The following ZNF536 variants were observed in gnomAD, a reference collection of about 807,000 sequenced individuals.
ZNF536 encodes the protein zinc finger protein 536.
ZNF536 carries 13 observed loss-of-function variants against 84.5 expected under a neutral mutation model. The ratio of observed to expected loss-of-function variants is 0.15; its 90% confidence interval spans 0.10 to 0.24. The LOEUF (loss-of-function observed/expected upper bound fraction) is 0.24. Among genes scored for constraint, ZNF536 ranks in the 10% least tolerant of loss-of-function variants. ZNF536 has a pLI of 1.00. For synonymous variants in ZNF536, 811 were observed against 742.5 expected (o/e 1.09, Z -1.50); for missense variants, 1,536 against 1,747.5 (o/e 0.88, Z 2.16).
intron 2 of ZNF536, among the ~76,000 whole-genome samples, chr19:30,457,264 G>A (rs1194983274): frequency 1.3e-5 from 2 of 152,178 alleles, no homozygotes; most frequent in African/African-American, 4.8e-5. Context: ...TGGCAAGGAG[G>A]AGTAACTCTT....
At chr19:30,512,187 T>C (rs1469276281) in intron 2 of ZNF536, among the ~76,000 whole-genome samples, 1 of 152,194 alleles carries the variant, frequency 6.6e-6, no homozygotes, top group African/African-American at 2.4e-5. Context: ...AACCATAAAA[T>C]ATACTGCAAA....
In ZNF536 at chr19:30,230,641, C is replaced by T. The variant is rs2022966982; in HGVS notation, c.-190+1968C>T. ...GGTGCCGCCCGACTTCCCACAGTTG[C>T]CCATAGGGTACTGAAGGCAGTGCTG... On this transcript the variant is annotated intron_variant, in intron 1 of 5. Transcript: ENST00000585628. Among the ~76,000 whole-genome samples the T allele has an allele frequency of 2.0e-5, 3 of 152,188 alleles. No homozygotes were observed. The South Asian group carries it at 6.2e-4, about 31-fold the overall frequency.
At chr19:30,613,970 C>A (rs1327795272) in intron 1 of ZNF536, among the ~76,000 whole-genome samples, 1 of 152,244 alleles carries the variant, frequency 6.6e-6, no homozygotes, top group East Asian at 1.9e-4. Context: ...TAAAGCGATT[C>A]TTCTGTCTCA....
At chr19:30,229,389 C>T (rs1339934136) in intron 1 of ZNF536, among the ~76,000 whole-genome samples, 2 of 152,066 alleles carry the variant, frequency 1.3e-5, no homozygotes, top group South Asian at 4.1e-4. Flanking sequence ...AAAGTGGTTT[C>T]ACAGTGTCTC....
upstream of ZNF536, among the ~76,000 whole-genome samples, chr19:30,367,542 T>C (rs1308221065): frequency 6.6e-6 from 1 of 152,114 alleles, no homozygotes; most frequent in African/African-American, 2.4e-5. Flanking sequence ...GCCCAGGGCA[T>C]GTGGATGTGG....
intron 1 of ZNF536, among the ~76,000 whole-genome samples, chr19:30,422,837 TCATC>T (rs1209524429): frequency 8.5e-6 from 1 of 117,644 alleles, no homozygotes; most frequent in Non-Finnish European, 1.8e-5. Flanking sequence ...ATCTACACAT[TCATC>T]CATCCATCCA....
intron 1 of ZNF536, among the ~76,000 whole-genome samples, chr19:30,387,887 G>T (rs573305996): frequency 6.6e-6 from 1 of 152,168 alleles, no homozygotes; most frequent in African/African-American, 2.4e-5. Context: ...TTCTCGAGAC[G>T]CAGGTGTCCA....
At chr19:30,541,904 A>T (rs1263349613) in intron 3 of ZNF536, among the ~76,000 whole-genome samples, 2 of 152,212 alleles carry the variant, frequency 1.3e-5, no homozygotes, top group Non-Finnish European at 1.5e-5. Context: ...CAACATATAT[A>T]TGCTTTGGGG....
chr19:30,547,411 G>T (rs2045598061), intron 3 of ZNF536, among the ~76,000 whole-genome samples: 1 of 152,270 alleles, frequency 6.6e-6, no homozygotes, highest in South Asian at 2.1e-4. Flanking sequence ...AATTACTTGT[G>T]CAGTATGCCA....
chr19:30,389,624 G>T (rs1401392603), intron 1 of ZNF536, among the ~76,000 whole-genome samples: 1 of 152,176 alleles, frequency 6.6e-6, no homozygotes, highest in African/African-American at 2.4e-5. Flanking sequence ...TCCAGACTGG[G>T]CTAAGCGAAG....
intron 2 of ZNF536, among the ~76,000 whole-genome samples, chr19:30,534,130 G>A (rs912647954): frequency 3.3e-5 from 5 of 152,344 alleles, no homozygotes; most frequent in Non-Finnish European, 5.9e-5. Flanking sequence ...CTTGACAGAG[G>A]AAGTTCTCAA....
intron 1 of ZNF536, among the ~76,000 whole-genome samples, chr19:30,657,453 A>C (rs918341492): frequency 2.6e-5 from 4 of 152,246 alleles, no homozygotes; most frequent in African/African-American, 9.6e-5. Flanking sequence ...CTCCTGTGGC[A>C]GCTAGGAGAC....
At chr19:30,403,192 A>G (rs957534770) in intron 1 of ZNF536, among the ~76,000 whole-genome samples, 3 of 152,158 alleles carry the variant, frequency 2.0e-5, no homozygotes, top group Non-Finnish European at 4.4e-5. Flanking sequence ...AGCATATGTG[A>G]TCTGGCCATT....
intron 3 of ZNF536, among the ~76,000 whole-genome samples, chr19:30,364,972 C>T (rs565297833): frequency 1.8e-4 from 28 of 152,304 alleles, no homozygotes; most frequent in Middle Eastern, 3.4e-3. Context: ...TTCAACTCTG[C>T]GCTTTACGCC....
intron 2 of ZNF536, among the ~76,000 whole-genome samples, chr19:30,527,695 C>G (rs1373312625): frequency 6.6e-6 from 1 of 151,376 alleles, no homozygotes; most frequent in Non-Finnish European, 1.5e-5. Flanking sequence ...TTCATGCATA[C>G]CATTAATTTT....
upstream of ZNF536, among the ~76,000 whole-genome samples, chr19:30,227,905 C>T (rs2022713264): frequency 6.6e-6 from 1 of 151,818 alleles, no homozygotes; most frequent in African/African-American, 2.4e-5. Flanking sequence ...GGGATGGGCG[C>T]GGGAAGCACG....
intron 2 of ZNF536, among the ~76,000 whole-genome samples, chr19:30,469,196 C>CGAGGTCAG (rs2053534255): frequency 6.6e-6 from 1 of 152,140 alleles, no homozygotes; most frequent in Admixed American, 6.5e-5. Context: ...AGGTGGATCA[C>CGAGGTCAG]GAGGTCAGGA....
chr19:30,606,468 A>G (rs914576640), intron 1 of ZNF536, among the ~76,000 whole-genome samples: 1 of 152,030 alleles, frequency 6.6e-6, no homozygotes, highest in Non-Finnish European at 1.5e-5. Context: ...GGTTTCCCAG[A>G]TGGAGTGCAG....
chr19:30,271,146 C>A (rs2025810553), intron 1 of ZNF536, among the ~76,000 whole-genome samples: 1 of 152,072 alleles, frequency 6.6e-6, no homozygotes, highest in Non-Finnish European at 1.5e-5. Flanking sequence ...ATGCAATAGG[C>A]AAAGAGGGGC....
Sources: allele counts gnomAD v4.1 joint callset (sites outside exome capture counted in the v4.1 genomes callset), GRCh38; gene constraint gnomAD v4.1.1; transcripts MANE v1.5; gene names NCBI Gene and HGNC (gene_info 2026-07-23, HGNC 2026-07-21).